CDC42BPB: variants seen among roughly 807,000 people sequenced by gnomAD.
CDC42BPB encodes the protein serine/threonine-protein kinase MRCK beta.
Under a neutral mutation model 214.9 loss-of-function variants are expected in CDC42BPB, and 37 were observed. The observed-to-expected ratio is 0.17, with a 90% CI of 0.13 to 0.23. The LOEUF (loss-of-function observed/expected upper bound fraction) is 0.23, where lower values mean the gene tolerates loss of function less well. CDC42BPB is among the 10% of genes least tolerant of loss of function. The pLI, the probability that CDC42BPB is intolerant of heterozygous loss-of-function variation, is 1.00. For synonymous variants in CDC42BPB, 931 were observed against 884.0 expected (o/e 1.05, Z -0.94); for missense variants, 1,694 against 2,227.0 (o/e 0.76, Z 4.82).
intron 5 of CDC42BPB, among the ~76,000 whole-genome samples, chr14:102,998,089 T>G (rs1398998093): frequency 6.6e-6 from 1 of 152,190 alleles, no homozygotes; most frequent in Non-Finnish European, 1.5e-5. Flanking sequence ...ATCACGCCAC[T>G]GCACTCCAGC....
chr14:103,043,522 A>G (rs1404735322), intron 1 of CDC42BPB, among the ~76,000 whole-genome samples: 1 of 152,152 alleles, frequency 6.6e-6, no homozygotes, highest in Non-Finnish European at 1.5e-5. Flanking sequence ...GGGTGGGGGT[A>G]GAGTTGGGGA....
chr14:103,003,380 C>T (rs908710076), intron 4 of CDC42BPB, among the ~76,000 whole-genome samples: 4 of 152,264 alleles, frequency 2.6e-5, no homozygotes, highest in Admixed American at 6.5e-5. Context: ...TGACAATGCA[C>T]ATGCATGTGC....
At chr14:102,983,921 G>T in intron 6 of CDC42BPB, 165 bp from the exon 7 acceptor site, 5 of 984,278 alleles carry the variant, frequency 5.1e-6, no homozygotes, top group Non-Finnish European at 6.0e-6. Context: ...TGAGTATAGT[G>T]CCTCGAGCCT....
rs945332053 is a variant in CDC42BPB at position 102,978,022 on chromosome 14, C to T, written c.1220+104G>A. Reference sequence around the variant, plus strand: ...TCCCTTAAGTAATGGCCTCCCAGCGCACACACCACCCACTAGCCCGCCCCC... The same window carrying T: ...TCCCTTAAGTAATGGCCTCCCAGCGTACACACCACCCACTAGCCCGCCCCC... On this transcript the variant is annotated intron_variant, in intron 9 of 36. Transcript: ENST00000361246. 5 of 835,322 alleles carry T rather than the reference C, an allele frequency of 6.0e-6. No individual in the cohort carries two copies. The African/African-American group carries it at 8.5e-5, about 14-fold the overall frequency. The allele number at this position is 835,322 out of a possible 1,614,324, so 51.7% of individuals were successfully genotyped here.
At chr14:103,006,442 G>A (rs1194299062) in intron 3 of CDC42BPB, among the ~76,000 whole-genome samples, 1 of 152,248 alleles carries the variant, frequency 6.6e-6, no homozygotes, top group Non-Finnish European at 1.5e-5. Flanking sequence ...GGGACTGCCT[G>A]CAAGGTGACC....
At chr14:102,945,541 C>T in intron 29 of CDC42BPB, 121 bp downstream of exon 29, 1 of 820,804 alleles carries the variant, frequency 1.2e-6, no homozygotes, top group Non-Finnish European at 2.0e-6. Flanking sequence ...GCACGCTGGC[C>T]CCTCCGGCGC....
At chr14:103,038,435 T>C (rs1415955116) in intron 1 of CDC42BPB, among the ~76,000 whole-genome samples, 2 of 151,098 alleles carry the variant, frequency 1.3e-5, no homozygotes, top group South Asian at 2.1e-4. Flanking sequence ...AAAGAGAGGG[T>C]TGTGAATACA....
Position 102,944,086 on chromosome 14 carries a change from G to A in CDC42BPB, c.4213C>T (p.Pro1405Ser). 6.2e-7 allele frequency: 1 copy of A among 1,613,536 alleles called. No homozygotes were observed. Among genetic ancestry groups the A allele is most frequent in the Non-Finnish European group, 8.5e-7 (1 of 1,180,018 alleles). ...TCATTGGGATTTACCAGGTTTAGAG[G>A]CTGCCCGTCCCCCTGGATGCTCAGC... The part of the protein sequence containing the change: ...CLLSIQGDGQ[P>S]LNLVNPNDPS... The change falls in exon 30 of 37, where the codon CCT (proline) becomes TCT (serine). Residue 1405 changes from proline (P) to serine (S), a missense_variant. By Grantham distance (74) the Pro-to-Ser change is moderately conservative. Transcript: ENST00000361246. This position sits in a 1 kb window ranked among gnomAD's most constrained non-coding sequence, Gnocchi z 6.6.
In CDC42BPB at chr14:103,008,451, C is replaced by A. The variant is rs377597174; in HGVS notation, c.351+21G>T. 3 of 1,516,556 alleles carry A rather than the reference C, an allele frequency of 2.0e-6. No homozygotes were observed. In the South Asian group the frequency reaches 3.4e-5, roughly 17 times the overall value. The allele number at this position is 1,516,556 out of a possible 1,614,324, so 93.9% of individuals were successfully genotyped here. A position where few individuals can be genotyped will look rare whatever the true frequency, so the allele number is the denominator to read the frequency against. Reference sequence around the variant, plus strand: ...CTCACCCCAAGCCCCATTTGTATGGCTTTTCAAGCTCCATACTTACCTCTG... The same window carrying A: ...CTCACCCCAAGCCCCATTTGTATGGATTTTCAAGCTCCATACTTACCTCTG... On this transcript the variant is annotated intron_variant, in intron 3 of 36. Transcript: ENST00000361246.
chr14:103,041,499 C>A lies in CDC42BPB; in HGVS notation c.175+15500G>T, dbSNP rs1038898776. 2.2e-6 allele frequency: 3 copies of A among 1,377,986 alleles called. No homozygotes were observed. The South Asian group carries it at 3.6e-5, about 17-fold the overall frequency. 85.4% of individuals were successfully genotyped at this position (1,377,986 alleles called of 1,614,324 possible). ...GCCCAGCCAGAATGGCATGGAAGCC[C>A]CACTTCCACAAGGACTGGCAGCTGG... On this transcript the variant is annotated intron_variant, in intron 1 of 36. Transcript: ENST00000361246.
rs568095440 is a variant in CDC42BPB at position 103,053,357 on chromosome 14, G to A, written c.175+3642C>T. Among the ~76,000 whole-genome samples, 30 of 146,398 alleles carry A rather than the reference G, an allele frequency of 2.0e-4. 1 individual carries two copies. In the East Asian group the frequency reaches 4.8e-3, roughly 23 times the overall value. On this transcript the variant is annotated intron_variant, in intron 1 of 36. Coordinates refer to ENST00000361246, the MANE Select transcript of CDC42BPB (RefSeq NM_006035.4). ...GTGAGACTCCGTCTCAAAAAAAAAA[G>A]AAAAGAAAAGAAAAGAATACACACG...
At chr14:102,990,580 T>C (rs1894448247) in intron 5 of CDC42BPB, among the ~76,000 whole-genome samples, 1 of 152,188 alleles carries the variant, frequency 6.6e-6, no homozygotes, top group Admixed American at 6.5e-5. Flanking sequence ...AGTGTGTCTA[T>C]ACCTCTGTTA....
At chr14:102,965,882 G>A (rs961008862) in intron 18 of CDC42BPB, among the ~76,000 whole-genome samples, 5 of 152,196 alleles carry the variant, frequency 3.3e-5, no homozygotes, top group Non-Finnish European at 5.9e-5. Flanking sequence ...ACTTGAAGCC[G>A]GGAGGCGGAG....
At chr14:103,020,383 C>A (rs533357636) in intron 1 of CDC42BPB, among the ~76,000 whole-genome samples, 1 of 152,294 alleles carries the variant, frequency 6.6e-6, no homozygotes, top group Admixed American at 6.5e-5. Context: ...GCTACCACTC[C>A]GTCCCTTCAA....
chr14:102,978,059 G>T, intron 9 of CDC42BPB, 67 bp downstream of exon 9: 2 of 1,229,496 alleles, frequency 1.6e-6, no homozygotes, highest in Non-Finnish European at 2.4e-6. Context: ...GGGACAGACT[G>T]TGGTGTCTGA....
chr14:103,002,006 G>C (rs1221531780), intron 4 of CDC42BPB, among the ~76,000 whole-genome samples: 1 of 152,246 alleles, frequency 6.6e-6, no homozygotes, highest in East Asian at 1.9e-4. Flanking sequence ...GCGGGGTGCT[G>C]AGTTAAGCCA....
intron 36 of CDC42BPB, among the ~76,000 whole-genome samples, chr14:102,937,508 C>T (rs1891694079): frequency 6.6e-6 from 1 of 152,262 alleles, no homozygotes; most frequent in Non-Finnish European, 1.5e-5. Flanking sequence ...GCATCCCTCC[C>T]TCCCTCCCTC....
In CDC42BPB at chr14:103,037,972, T is replaced by C. The variant is rs368745132; in HGVS notation, c.175+19027A>G. ...TGAACCCGGGAGACGGAGCTTGCAG[T>C]GAGCCGAGATCATGCCACTGCCCTC... is the stretch of plus-strand genomic sequence containing the variant. On this transcript the variant is annotated intron_variant, in intron 1 of 36. Coordinates refer to ENST00000361246, the MANE Select transcript of CDC42BPB (RefSeq NM_006035.4). Among the ~76,000 whole-genome samples, 66 of 146,274 alleles carry C rather than the reference T, an allele frequency of 4.5e-4. 1 individual carries two copies. The East Asian group carries it at 9.8e-3, about 22-fold the overall frequency.
At chr14:102,949,651 G>T in intron 26 of CDC42BPB, 114 bp downstream of exon 26, 1 of 1,353,098 alleles carries the variant, frequency 7.4e-7, no homozygotes, top group Non-Finnish European at 1.0e-6. Flanking sequence ...ATACAATAAT[G>T]AAGCAGGTGA....
Sources: gnomAD v4.1 joint callset for allele counts (sites outside exome capture counted in the v4.1 genomes callset) on GRCh38, gnomAD v4.1.1 for gene constraint, Gnocchi (gnomAD v3.1) non-coding constraint, MANE v1.5 for transcripts, NCBI Gene and HGNC (gene_info 2026-07-23, HGNC 2026-07-21) for gene names.